Variants in CD74 observed in about 807,000 individuals in gnomAD.
CD74 encodes CD74 molecule.
A neutral mutation model predicts 37.1 loss-of-function variants in CD74; 20 were observed. The ratio of observed to expected loss-of-function variants is 0.54; its 90% confidence interval spans 0.38 to 0.78. The LOEUF is 0.78. CD74 is among the 30% of genes least tolerant of loss of function. The pLI, the probability that CD74 is intolerant of heterozygous loss-of-function variation, is 0.00. For synonymous variants in CD74, 150 were observed against 152.0 expected, an observed-to-expected ratio of 0.99 and a Z score of 0.10; for missense variants, 338 against 389.5, an observed-to-expected ratio of 0.87 and a Z score of 1.11.
rs977883151 is a variant in CD74, at chr5:150,407,059, A to C, written c.298+93T>G. 6 of 1,543,856 alleles carry C rather than the reference A, an allele frequency of 3.9e-6. No individual in the cohort carries two copies. The highest frequency in any genetic ancestry group is 5.3e-6 in the Non-Finnish European group (6 of 1,127,246). On this transcript the variant is annotated intron_variant, in intron 2 of 8. Transcript: ENST00000009530. This position sits in a 1 kb window ranked among gnomAD's most constrained non-coding sequence, Gnocchi z 4.4. ...GGCTGGAATTCCAAACCGGAGGGAG[A>C]GGACAGTGGGCCCAGCTGGGTGCAG... is the stretch of plus-strand genomic sequence containing the variant.
Position 150,402,277 on chromosome 5 carries a change from T to C in CD74, c.881-27A>G, listed in dbSNP as rs781340940. ...TGGAGAGAGAAGCAGCAGGTTGAGG[T>C]TGGGGTCACCCATTTGTTGTCCCTG... On this transcript the variant is annotated intron_variant, in intron 8 of 8. Coordinates refer to ENST00000009530, the MANE Select transcript of CD74 (RefSeq NM_001025159.3). The surrounding 1 kb of genome is among the most constrained non-coding windows in gnomAD (Gnocchi z 4.2). 38 of 1,549,108 alleles carry C rather than the reference T, an allele frequency of 2.5e-5. No homozygotes were observed. Among genetic ancestry groups the C allele is most frequent in the Admixed American group, 1.8e-4 (10 of 56,472 alleles).
chr5:150,409,204 CAGA>C (rs559072663), intron 1 of CD74, among the ~76,000 whole-genome samples: 3 of 150,180 alleles, frequency 2.0e-5, no homozygotes, highest in South Asian at 2.1e-4. Flanking sequence ...GCCTGGGTGA[CAGA>C]AGGAGACTGT....
intron 6 of CD74, 102 bp downstream of exon 6, chr5:150,404,578 G>C (rs1561551357): frequency 1.5e-6 from 1 of 658,382 alleles, no homozygotes; most frequent in Non-Finnish European, 2.8e-6. Context: ...GAGATTCCGC[G>C]GTGCTGGGAC....
At chr5:150,409,205 A>G (rs1255619187) in intron 1 of CD74, among the ~76,000 whole-genome samples, 1 of 151,002 alleles carries the variant, frequency 6.6e-6, no homozygotes, top group Admixed American at 6.6e-5. Flanking sequence ...CCTGGGTGAC[A>G]GAAGGAGACT....
chr5:150,402,623 ACT>A lies in CD74; in HGVS notation c.818_819del (p.Glu273ValfsTer83), dbSNP rs1331289215. On this transcript the variant is annotated frameshift_variant and splice_region_variant, in exon 8 of 9. Coordinates refer to ENST00000009530, the MANE Select transcript of CD74 (RefSeq NM_001025159.3). LOFTEE classifies it high-confidence loss of function. This position sits in a 1 kb window ranked among gnomAD's most constrained non-coding sequence, Gnocchi z 4.2. ...GAAGACGGGTCCTCCAGTTCCAGTGACTCTGCAAAGGAGCAGCAAGTCCGTTT... is the reference window on the plus strand; with the variant it reads ...GAAGACGGGTCCTCCAGTTCCAGTGACTGCAAAGGAGCAGCAAGTCCGTTT... ...TRSRGHHNCS[E>X]SLELEDPSSG... The A allele has an allele frequency of 1.2e-6, 2 of 1,609,150 alleles. No homozygotes were observed. The highest frequency in any genetic ancestry group is 1.7e-6 in the Non-Finnish European group (2 of 1,177,512).
At position 150,404,712 on chromosome 5, in the gene CD74, A is replaced by G. The variant is rs1408177339; in HGVS notation, c.593T>C (p.Leu198Ser). Residue 198 changes from leucine (L) to serine (S), a missense_variant, in exon 6 of 9, where the codon TTG becomes TCG. By Grantham distance (145) the Leu-to-Ser change is moderately radical (BLOSUM62 -2). Transcript: ENST00000009530. The part of the protein sequence containing the change: ...WLLFEMSRHS[L>S]EQKPTDAPPK... ...TGGAGCGTCAGTGGGCTTTTGCTCC[A>G]AGGAGTGCCTGCTCATTTCAAACAG... 1 of 1,587,306 alleles carries G rather than the reference A, an allele frequency of 6.3e-7. No individual in the cohort carries two copies. The highest frequency in any genetic ancestry group is 8.6e-7 in the Non-Finnish European group (1 of 1,166,382).
intron 6 of CD74, among the ~76,000 whole-genome samples, chr5:150,404,035 A>C (rs1314676534): frequency 6.6e-6 from 1 of 152,226 alleles, no homozygotes; most frequent in Non-Finnish European, 1.5e-5. Context: ...TTTAAGCATC[A>C]GCTAGGAGTT....
At chr5:150,406,368 AG>A in intron 3 of CD74, 47 bp from the exon 4 acceptor site, 1 of 1,498,770 alleles carries the variant, frequency 6.7e-7, no homozygotes, top group East Asian at 2.3e-5. Flanking sequence ...TCCCTGGAGC[AG>A]GGGGTATGGA....
rs1388547225 is a variant in CD74, at chr5:150,403,025, G to C, written c.817+96C>G. ...CTGCCCCCAGGAGCTGCCATCCTGGGTGTCCTGGTCCCATGTGCTTCAGAG... is the reference window on the plus strand; with the variant it reads ...CTGCCCCCAGGAGCTGCCATCCTGGCTGTCCTGGTCCCATGTGCTTCAGAG... On this transcript the variant is annotated intron_variant, in intron 7 of 8. Transcript: ENST00000009530. The surrounding 1 kb of genome is among the most constrained non-coding windows in gnomAD (Gnocchi z 4.5). 1.4e-5 allele frequency: 15 copies of C among 1,048,272 alleles called. No homozygotes were observed. Among genetic ancestry groups the C allele is most frequent in the Admixed American group, 2.2e-5 (1 of 45,638 alleles). 64.9% of individuals were successfully genotyped at this position (1,048,272 alleles called of 1,614,324 possible). A position where few individuals can be genotyped will look rare whatever the true frequency, so the allele number is the denominator to read the frequency against.
chr5:150,402,706 C>T lies in CD74; in HGVS notation c.818-81G>A, dbSNP rs190540334. The stretch of plus-strand genomic sequence containing the variant: ...GATGCCTGAGGGCAGTGCTTCCCAC[C>T]TAGCCACAGGCTTAGTGCCTGGGAA... On this transcript the variant is annotated intron_variant, in intron 7 of 8. Coordinates refer to ENST00000009530, the MANE Select transcript of CD74 (RefSeq NM_001025159.3). The surrounding 1 kb of genome is among the most constrained non-coding windows in gnomAD (Gnocchi z 4.2). 2.8e-5 allele frequency: 34 copies of T among 1,218,400 alleles called. No homozygotes were observed. In the South Asian group the frequency reaches 4.5e-4, roughly 16 times the overall value. 75.5% of individuals were successfully genotyped at this position (1,218,400 alleles called of 1,614,324 possible).
At position 150,401,818 on chromosome 5, in the gene CD74, C is replaced by A; in HGVS notation, c.*422G>T. ...GTGGCTCAGCCTGCAGGTAAATAGG[C>A]TAGAAAAGCCAAGGCCAAAGGCTGG... On this transcript the variant is annotated 3_prime_UTR_variant, in exon 9 of 9. Transcript: ENST00000009530. 1.6e-6 allele frequency: 1 copy of A among 633,708 alleles called. No individual in the cohort carries two copies. The highest frequency in any genetic ancestry group is 2.8e-6 in the Non-Finnish European group (1 of 352,290). 39.3% of individuals were successfully genotyped at this position (633,708 alleles called of 1,614,324 possible).
Position 150,401,925 on chromosome 5 carries a change from A to G in CD74, c.*315T>C. The G allele has an allele frequency of 2.3e-6, 2 of 869,176 alleles. No individual in the cohort carries two copies. The highest frequency in any genetic ancestry group is 4.0e-5 in the Admixed American group (2 of 50,192). 53.8% of individuals were successfully genotyped at this position (869,176 alleles called of 1,614,324 possible). A position where few individuals can be genotyped will look rare whatever the true frequency, so the allele number is the denominator to read the frequency against. ...CTCCCTGTGCCTTCCCATCTCGTCC[A>G]TGAGCCTAGGTCTTGGAGCCTTGTG... On this transcript the variant is annotated 3_prime_UTR_variant, in exon 9 of 9. Coordinates refer to ENST00000009530, the MANE Select transcript of CD74 (RefSeq NM_001025159.3).
rs150995909 is a variant in CD74, at chr5:150,403,994, T to G, written c.626-682A>C. 8.2e-3 allele frequency among the ~76,000 whole-genome samples: 1,253 copies of G among 152,214 alleles called. 24 individuals are homozygous for G. Among genetic ancestry groups the G allele is most frequent in the African/African-American group, 0.028 (1,169 of 41,524 alleles). On this transcript the variant is annotated intron_variant, in intron 6 of 8. Coordinates refer to ENST00000009530, the MANE Select transcript of CD74 (RefSeq NM_001025159.3). The surrounding 1 kb of genome is among the most constrained non-coding windows in gnomAD (Gnocchi z 4.5). ...TGGGAGTTCTCAAGTAGAAATGGGG[T>G]TTACCGTTTGTTGGAGATGTCTTAG...
intron 1 of CD74, among the ~76,000 whole-genome samples, chr5:150,410,638 C>A (rs1369195698): frequency 6.6e-6 from 1 of 151,610 alleles, no homozygotes; most frequent in East Asian, 1.9e-4. Context: ...TCTTGTCACC[C>A]CCCTCTTTAT....
At position 150,407,275 on chromosome 5, in the gene CD74, G is replaced by A. The variant is rs778170148; in HGVS notation, c.175C>T (p.Leu59=). ...LYTGFSILVT[L]LLAGQATTAY... ...GTGGTGGCCTGGCCAGCGAGGAGCA[G>A]AGTCACCAGGATGGAAAAGCCTGTG... Residue 59 remains leucine (L), a synonymous_variant, in exon 2 of 9, where the codon CTG becomes TTG. Transcript: ENST00000009530. This position sits in a 1 kb window ranked among gnomAD's most constrained non-coding sequence, Gnocchi z 4.4. 4.3e-6 allele frequency: 7 copies of A among 1,613,156 alleles called. No individual in the cohort carries two copies. The highest frequency in any genetic ancestry group is 5.9e-6 in the Non-Finnish European group (7 of 1,179,646).
Position 150,407,814 on chromosome 5 carries a change from C to T in CD74, c.126-490G>A, listed in dbSNP as rs900280283. 2.8e-4 allele frequency among the ~76,000 whole-genome samples: 42 copies of T among 152,226 alleles called. No individual in the cohort carries two copies. Among genetic ancestry groups the T allele is most frequent in the African/African-American group, 9.9e-4 (41 of 41,532 alleles). On this transcript the variant is annotated intron_variant, in intron 1 of 8. Coordinates refer to ENST00000009530, the MANE Select transcript of CD74 (RefSeq NM_001025159.3). The surrounding 1 kb of genome is among the most constrained non-coding windows in gnomAD (Gnocchi z 4.4). ...TGTCGCCCAGGCTGGAGTGCAGTGG[C>T]GCGATCTCGGCTCACTGCAACCTCC...
chr5:150,406,405 G>T, intron 3 of CD74, 84 bp from the exon 4 acceptor site: 2 of 1,057,302 alleles, frequency 1.9e-6, no homozygotes, highest in Non-Finnish European at 3.0e-6. Context: ...TGGGATCTAG[G>T]TAAGAGACTG....
chr5:150,405,361 CAG>C, intron 4 of CD74, 181 bp from the exon 5 acceptor site: 1 of 1,306,516 alleles, frequency 7.7e-7, no homozygotes, highest in Non-Finnish European at 9.7e-7. Context: ...AAGGGTAGTC[CAG>C]CTGTTCAGCT....
chr5:150,412,606 T>C lies in CD74; in HGVS notation c.125+19A>G. ...TGCAGTCCAGGATCGGTGTGCCCTT[T>C]CCTGGTGCTCACACATACCTCTCCG... On this transcript the variant is annotated intron_variant, in intron 1 of 8. Transcript: ENST00000009530. 6.3e-7 allele frequency: 1 copy of C among 1,580,612 alleles called. No homozygotes were observed. The highest frequency in any genetic ancestry group is 8.7e-7 in the Non-Finnish European group (1 of 1,152,700).
Sources: gnomAD v4.1 joint callset for allele counts (sites outside exome capture counted in the v4.1 genomes callset) on GRCh38, gnomAD v4.1.1 for gene constraint, Gnocchi (gnomAD v3.1) non-coding constraint, MANE v1.5 for transcripts, NCBI Gene and HGNC (gene_info 2026-07-23, HGNC 2026-07-21) for gene names.